The following KCNH1 variants were observed in gnomAD, a reference collection of about 807,000 sequenced individuals.
The protein encoded by KCNH1 is voltage-gated delayed rectifier potassium channel KCNH1.
Under a neutral mutation model 69.2 loss-of-function variants are expected in KCNH1, and 27 were observed. That is an observed-to-expected ratio of 0.39 (90% CI 0.29 to 0.54). KCNH1 has a LOEUF of 0.54. Among genes scored for constraint, KCNH1 ranks in the 20% least tolerant of loss-of-function variants. The pLI is 0.68. For missense variants in KCNH1, 798 were observed against 1,261.6 expected, an observed-to-expected ratio of 0.63 and a Z score of 5.57; for synonymous variants, 456 against 487.7, an observed-to-expected ratio of 0.93 and a Z score of 0.86.
chr1:210,833,024 T>C (rs945395386), intron 7 of KCNH1, among the ~76,000 whole-genome samples: 9 of 151,750 alleles, frequency 5.9e-5, no homozygotes, highest in African/African-American at 2.2e-4. Flanking sequence ...CATTTAGCTT[T>C]AAGTTTTTCT....
At chr1:210,700,166 G>A (rs1013687815) in intron 10 of KCNH1, among the ~76,000 whole-genome samples, 13 of 152,208 alleles carry the variant, frequency 8.5e-5, no homozygotes, top group African/African-American at 3.1e-4. Context: ...CTCTTTATAT[G>A]TAATGGTTGC....
chr1:211,041,049 T>C (rs1689986149), intron 5 of KCNH1, among the ~76,000 whole-genome samples: 1 of 152,206 alleles, frequency 6.6e-6, no homozygotes, highest in Non-Finnish European at 1.5e-5. Flanking sequence ...TCTTTAGACA[T>C]AAATCAACTC....
chr1:210,825,410 A>G (rs1574279187), intron 7 of KCNH1, among the ~76,000 whole-genome samples: 1 of 152,238 alleles, frequency 6.6e-6, no homozygotes, highest in East Asian at 1.9e-4. Flanking sequence ...TAAAAAATAT[A>G]TGAGTACATG....
chr1:210,989,058 G>A (rs1688895369), intron 6 of KCNH1, among the ~76,000 whole-genome samples: 1 of 152,174 alleles, frequency 6.6e-6, no homozygotes, highest in Non-Finnish European at 1.5e-5. Flanking sequence ...ACACATTTTA[G>A]GTTGCTTTTC....
intron 7 of KCNH1, chr1:210,862,106 A>T: frequency 9.3e-7 from 1 of 1,080,504 alleles, no homozygotes; most frequent in Non-Finnish European, 1.4e-6. Flanking sequence ...ATATTTTTCA[A>T]ATAGATAACA....
At chr1:210,880,922 G>C (rs1476102127) in intron 7 of KCNH1, among the ~76,000 whole-genome samples, 1 of 151,210 alleles carries the variant, frequency 6.6e-6, no homozygotes, top group Admixed American at 6.6e-5. Flanking sequence ...ACTTAATAGA[G>C]ACCTTATGAA....
intron 6 of KCNH1, among the ~76,000 whole-genome samples, chr1:210,950,323 C>T (rs1688040686): frequency 1.4e-5 from 2 of 146,658 alleles, no homozygotes; most frequent in Admixed American, 1.4e-4. Flanking sequence ...CACCCACTAA[C>T]TCGTCATCTA....
At chr1:210,888,460 A>C (rs1288659160) in intron 7 of KCNH1, among the ~76,000 whole-genome samples, 1 of 152,238 alleles carries the variant, frequency 6.6e-6, no homozygotes, top group Middle Eastern at 3.2e-3. Context: ...AAAGCAGGAA[A>C]GATCCAAAAT....
intron 7 of KCNH1, among the ~76,000 whole-genome samples, chr1:210,846,859 A>G (rs565522076): frequency 6.6e-6 from 1 of 152,334 alleles, no homozygotes; most frequent in South Asian, 2.1e-4. Context: ...TCCAGAATCT[A>G]CAATGAACTC....
chr1:210,955,237 C>T (rs1483975114), intron 6 of KCNH1, among the ~76,000 whole-genome samples: 2 of 152,044 alleles, frequency 1.3e-5, no homozygotes, highest in East Asian at 3.8e-4. Context: ...TTTCTGAGGC[C>T]TCTGTTCTGT....
At chr1:211,112,334 A>C (rs1159126324) in intron 1 of KCNH1, among the ~76,000 whole-genome samples, 1 of 126,218 alleles carries the variant, frequency 7.9e-6, no homozygotes, top group East Asian at 2.8e-4. Context: ...GGGTCTGGGA[A>C]GCGAGGAGTG....
intron 6 of KCNH1, among the ~76,000 whole-genome samples, chr1:210,921,810 G>C (rs1203623504): frequency 1.3e-5 from 2 of 152,182 alleles, no homozygotes; most frequent in East Asian, 1.9e-4. Flanking sequence ...GTCCCGGAAG[G>C]ACTATGTGGA....
At chr1:210,814,489 A>T (rs974134759) in intron 7 of KCNH1, among the ~76,000 whole-genome samples, 1 of 152,162 alleles carries the variant, frequency 6.6e-6, no homozygotes, top group African/African-American at 2.4e-5. Context: ...TTCAACAAAC[A>T]TTAAATACTC....
intron 6 of KCNH1, among the ~76,000 whole-genome samples, chr1:211,004,289 G>A (rs980422869): frequency 6.6e-6 from 1 of 152,130 alleles, no homozygotes; most frequent in Non-Finnish European, 1.5e-5. Flanking sequence ...GAAGGTAGAA[G>A]ATGATTGAAG....
At chr1:210,761,278 A>G (rs1016371983) in intron 10 of KCNH1, among the ~76,000 whole-genome samples, 3 of 136,964 alleles carry the variant, frequency 2.2e-5, no homozygotes, top group Non-Finnish European at 3.2e-5. Flanking sequence ...AAAAAAAAGT[A>G]CATGTAAGCA....
chr1:210,715,791 T>C (rs1249438034), intron 10 of KCNH1, among the ~76,000 whole-genome samples: 1 of 152,020 alleles, frequency 6.6e-6, no homozygotes, highest in African/African-American at 2.4e-5. Context: ...GCTCTCTGAG[T>C]TATGTAGCTC....
chr1:210,842,892 T>C (rs191606019), intron 7 of KCNH1, among the ~76,000 whole-genome samples: 25 of 152,316 alleles, frequency 1.6e-4, no homozygotes, highest in Non-Finnish European at 2.2e-4. Context: ...AATAACAGCA[T>C]ACATCTGTGA....
chr1:210,971,194 C>A (rs1184715490), intron 6 of KCNH1, among the ~76,000 whole-genome samples: 1 of 152,056 alleles, frequency 6.6e-6, no homozygotes, highest in African/African-American at 2.4e-5. Flanking sequence ...CTCAAGTGAT[C>A]CTCCCACTTC....
At chr1:210,757,600 G>A in intron 10 of KCNH1, among the ~76,000 whole-genome samples, 1 of 152,180 alleles carries the variant, frequency 6.6e-6, no homozygotes, top group East Asian at 1.9e-4. Context: ...GAGAGCTGAA[G>A]GTCATTCTTC....
Sources: allele counts gnomAD v4.1 joint callset (sites outside exome capture counted in the v4.1 genomes callset), GRCh38; gene constraint gnomAD v4.1.1; transcripts MANE v1.5; gene names NCBI Gene and HGNC (gene_info 2026-07-23, HGNC 2026-07-21).